The following PALMD variants were observed in gnomAD, a reference collection of about 807,000 sequenced individuals.
PALMD encodes the protein palmdelphin.
A neutral mutation model predicts 56.2 loss-of-function variants in PALMD; 42 were observed. The observed-to-expected ratio is 0.75, with a 90% CI of 0.58 to 0.97. PALMD has a LOEUF of 0.97. Among genes scored for constraint, PALMD ranks in the 50% least tolerant of loss-of-function variants. The pLI is 0.00. For synonymous variants in PALMD, 242 were observed against 222.9 expected (o/e 1.09, Z -0.76); for missense variants, 660 against 643.8 (o/e 1.03, Z -0.27).
chr1:99,647,536 A>T (rs1416650768), intron 1 of PALMD, among the ~76,000 whole-genome samples: 1 of 152,206 alleles, frequency 6.6e-6, no homozygotes, highest in Non-Finnish European at 1.5e-5. Flanking sequence ...CTAGCTTCTA[A>T]TTATTACATT....
At chr1:99,679,734 T>G (rs1273849063) in intron 3 of PALMD, among the ~76,000 whole-genome samples, 2 of 152,182 alleles carry the variant, frequency 1.3e-5, no homozygotes, top group Non-Finnish European at 2.9e-5. Context: ...AAGTTTTCTT[T>G]CTACAGTGGC....
At chr1:99,653,936 A>G (rs557847930) in intron 1 of PALMD, among the ~76,000 whole-genome samples, 2 of 152,262 alleles carry the variant, frequency 1.3e-5, no homozygotes, top group African/African-American at 4.8e-5. Context: ...TGTAACTGTT[A>G]GAAGTTGGTG....
intron 3 of PALMD, among the ~76,000 whole-genome samples, chr1:99,678,627 T>C (rs921818332): frequency 6.6e-6 from 1 of 152,112 alleles, no homozygotes; most frequent in Non-Finnish European, 1.5e-5. Flanking sequence ...AAAAGTCTTT[T>C]TTTCCCCTGA....
intron 2 of PALMD, among the ~76,000 whole-genome samples, chr1:99,663,961 T>C (rs571277830): frequency 6.6e-6 from 1 of 152,238 alleles, no homozygotes; most frequent in East Asian, 1.9e-4. Context: ...ATTTATCATG[T>C]TTTGGACTGC....
rs1189355761 is a variant in PALMD, at chr1:99,688,849, C to T, written c.589C>T (p.Leu197=). Residue 197 remains leucine (L), a synonymous_variant, in exon 7 of 8, where the codon CTG becomes TTG. Coordinates refer to ENST00000263174, the MANE Select transcript of PALMD (RefSeq NM_017734.5). ...GESTVLSSIP[L]PSDDFKGTGI... is the part of the protein sequence containing the mutation. ...AAGTACAGTTCTGTCTTCAATACCTCTGCCATCAGATGACTTTAAAGGTAC... is the reference window on the plus strand; with the variant it reads ...AAGTACAGTTCTGTCTTCAATACCTTTGCCATCAGATGACTTTAAAGGTAC... 6 of 1,612,248 alleles carry T rather than the reference C, an allele frequency of 3.7e-6. No individual in the cohort carries two copies. The highest frequency in any genetic ancestry group is 5.1e-6 in the Non-Finnish European group (6 of 1,178,494).
intron 1 of PALMD, among the ~76,000 whole-genome samples, chr1:99,661,441 G>A (rs1010100095): frequency 6.6e-6 from 1 of 152,148 alleles, no homozygotes; most frequent in African/African-American, 2.4e-5. Context: ...CTAGAGCACT[G>A]TGACGAGTAC....
At chr1:99,690,050 A>G in intron 7 of PALMD, 178 bp downstream of exon 7, 1 of 532,600 alleles carries the variant, frequency 1.9e-6, no homozygotes, top group South Asian at 3.6e-5. Flanking sequence ...AAGTCACTTC[A>G]AAAGATAAAG....
At chr1:99,663,570 C>T (rs1157454822) in intron 2 of PALMD, among the ~76,000 whole-genome samples, 1 of 151,956 alleles carries the variant, frequency 6.6e-6, no homozygotes, top group Non-Finnish European at 1.5e-5. Context: ...CTCTCTCTCA[C>T]ACACACACAC....
chr1:99,676,787 A>G (rs1653222682), intron 3 of PALMD, among the ~76,000 whole-genome samples: 1 of 152,134 alleles, frequency 6.6e-6, no homozygotes, highest in Admixed American at 6.5e-5. Context: ...AAAAAGTAAA[A>G]AAAGAAAAAA....
At chr1:99,680,486 A>G (rs1050396873) in intron 3 of PALMD, among the ~76,000 whole-genome samples, 7 of 152,102 alleles carry the variant, frequency 4.6e-5, no homozygotes, top group African/African-American at 1.7e-4. Flanking sequence ...GTACTGACTC[A>G]TCCATCAAGC....
At chr1:99,674,705 G>A (rs1281763583) in intron 3 of PALMD, among the ~76,000 whole-genome samples, 2 of 152,082 alleles carry the variant, frequency 1.3e-5, no homozygotes, top group Admixed American at 1.3e-4. Flanking sequence ...TCAGTGCCTT[G>A]AAATACAAAT....
intron 3 of PALMD, among the ~76,000 whole-genome samples, chr1:99,672,133 T>C (rs576578787): frequency 6.6e-6 from 1 of 152,274 alleles, no homozygotes; most frequent in Admixed American, 6.5e-5. Context: ...GTAAAGCATA[T>C]CTGCTTATTC....
At chr1:99,673,363 G>T (rs1050642761) in intron 3 of PALMD, among the ~76,000 whole-genome samples, 3 of 151,922 alleles carry the variant, frequency 2.0e-5, no homozygotes, top group African/African-American at 7.3e-5. Flanking sequence ...TCAAACACGG[G>T]TGAGATATGC....
intron 1 of PALMD, among the ~76,000 whole-genome samples, chr1:99,656,364 G>A (rs1041047662): frequency 9.3e-5 from 14 of 150,156 alleles, no homozygotes; most frequent in African/African-American, 2.7e-4. Context: ...CTGTTAGCAC[G>A]TCTCTTTTTT....
chr1:99,664,792 T>C (rs1001986781), intron 2 of PALMD, among the ~76,000 whole-genome samples: 4 of 152,216 alleles, frequency 2.6e-5, no homozygotes, highest in African/African-American at 9.6e-5. Flanking sequence ...GACTATCCTC[T>C]CCACTTTCCT....
intron 3 of PALMD, among the ~76,000 whole-genome samples, chr1:99,675,896 G>T (rs1653201044): frequency 6.6e-6 from 1 of 152,058 alleles, no homozygotes; most frequent in Admixed American, 6.6e-5. Context: ...ACTATCATCT[G>T]CCCATAAGAT....
At chr1:99,670,064 G>A (rs1396012366) in intron 3 of PALMD, among the ~76,000 whole-genome samples, 2 of 152,102 alleles carry the variant, frequency 1.3e-5, no homozygotes, top group Non-Finnish European at 2.9e-5. Flanking sequence ...GGACTGAAAA[G>A]GTATTCTCTC....
At position 99,687,210 on chromosome 1, in the gene PALMD, G is replaced by A. The variant is rs201850737; in HGVS notation, c.514+21G>A. ...GAAAGGTATATGAGAAATCTGTGTT[G>A]AAGGGCATGTTCTTAATTTCAGATT... On this transcript the variant is annotated intron_variant, in intron 6 of 7. Transcript: ENST00000263174. 61 of 1,580,730 alleles carry A rather than the reference G, an allele frequency of 3.9e-5. No homozygotes were observed. In the East Asian group the frequency reaches 1.3e-3, roughly 35 times the overall value.
chr1:99,677,582 T>C (rs2100868055), intron 3 of PALMD, among the ~76,000 whole-genome samples: 1 of 152,176 alleles, frequency 6.6e-6, no homozygotes, highest in Non-Finnish European at 1.5e-5. Context: ...GGAAGATAAA[T>C]GGAGGACAAG....
Sources: gnomAD v4.1 joint callset for allele counts (sites outside exome capture counted in the v4.1 genomes callset) on GRCh38, gnomAD v4.1.1 for gene constraint, MANE v1.5 for transcripts, NCBI Gene and HGNC (gene_info 2026-07-23, HGNC 2026-07-21) for gene names.